KIAA1755: variants seen among roughly 807,000 people sequenced by gnomAD.
KIAA1755 encodes the protein uncharacterized protein KIAA1755.
In KIAA1755, 68 loss-of-function variants were observed where a neutral mutation model predicts 91.7. The observed-to-expected ratio is 0.74, with a 90% confidence interval of 0.61 to 0.91. KIAA1755 has a LOEUF of 0.91. Ranked by LOEUF, KIAA1755 falls within the 40% of genes least tolerant of loss-of-function variation. The pLI, the probability that KIAA1755 is intolerant of heterozygous loss-of-function variation, is 0.00. For synonymous variants in KIAA1755, 610 were observed against 604.6 expected, an observed-to-expected ratio of 1.01 and a Z score of -0.13; for missense variants, 1,535 against 1,494.4, an observed-to-expected ratio of 1.03 and a Z score of -0.45.
intron 1 of KIAA1755, among the ~76,000 whole-genome samples, chr20:38,246,614 AGT>A (rs1462726644): frequency 6.6e-6 from 1 of 152,152 alleles, no homozygotes; most frequent in Non-Finnish European, 1.5e-5. Context: ...CAGATGGGAG[AGT>A]GAGAATAAGT....
chr20:38,214,813 G>A (rs1179763202), intron 13 of KIAA1755, among the ~76,000 whole-genome samples: 2 of 152,204 alleles, frequency 1.3e-5, no homozygotes, highest in Non-Finnish European at 2.9e-5. Flanking sequence ...CCAGCCGCTC[G>A]TGAAAAACAT....
chr20:38,242,044 G>A, intron 2 of KIAA1755, 115 bp from the exon 3 acceptor site: 6 of 1,064,304 alleles, frequency 5.6e-6, no homozygotes, highest in Non-Finnish European at 8.1e-6. Flanking sequence ...CTAGGATGAG[G>A]CAGCATTTAG....
At chr20:38,228,073 G>C in intron 6 of KIAA1755, 74 bp downstream of exon 6, 1 of 1,121,628 alleles carries the variant, frequency 8.9e-7, no homozygotes, top group Non-Finnish European at 1.3e-6. Flanking sequence ...AGCACCCCCG[G>C]ACTCTATGAA....
Position 38,219,767 on chromosome 20 carries a change from T to G in KIAA1755, c.2419A>C (p.Ser807Arg). The change falls in exon 11 of 14, where the codon AGC becomes CGC. Residue 807 changes from serine (S) to arginine (R), a missense_variant and splice_region_variant. Physicochemically the swap from Ser to Arg is moderately radical, Grantham distance 110. Coordinates refer to ENST00000279024, the MANE Select transcript of KIAA1755 (RefSeq NM_001029864.2). ...AAGGCAGTGGCTGCAGCCAGATGGC[T>G]CCTGGGAGGTGGGCGGAGGTGAGAA... ...SRLDFSPDVRSHLAAATALYS... is the reference protein window; with the variant it reads ...SRLDFSPDVRRHLAAATALYS... 6.2e-7 allele frequency: 1 copy of G among 1,614,082 alleles called. No homozygotes were observed. Among genetic ancestry groups the G allele is most frequent in the Non-Finnish European group, 8.5e-7 (1 of 1,180,010 alleles).
intron 12 of KIAA1755, chr20:38,218,027 T>C: frequency 1.6e-6 from 1 of 615,332 alleles, no homozygotes; most frequent in Non-Finnish European, 2.8e-6. Context: ...AGAAACCCTC[T>C]GGGGGATTCA....
At chr20:38,238,525 T>G (rs73905577) in intron 4 of KIAA1755, among the ~76,000 whole-genome samples, 59 of 152,274 alleles carry the variant, frequency 3.9e-4, no homozygotes, top group African/African-American at 1.4e-3. Flanking sequence ...TTACGTTACT[T>G]CCTCCGGGAA....
chr20:38,218,931 C>T (rs1015604917), intron 11 of KIAA1755, among the ~76,000 whole-genome samples: 5 of 152,154 alleles, frequency 3.3e-5, no homozygotes, highest in African/African-American at 1.2e-4. Flanking sequence ...TATATAATGG[C>T]TCTCAACCCC....
intron 1 of KIAA1755, among the ~76,000 whole-genome samples, chr20:38,259,511 G>A (rs926003024): frequency 9.5e-6 from 1 of 105,800 alleles, no homozygotes; most frequent in Admixed American, 9.6e-5. Context: ...GAGTGCCTGC[G>A]TGTGTGTGTG....
intron 10 of KIAA1755, among the ~76,000 whole-genome samples, chr20:38,221,096 C>A (rs1310010739): frequency 2.0e-5 from 3 of 152,214 alleles, no homozygotes; most frequent in African/African-American, 7.2e-5. Flanking sequence ...CATCTGACTG[C>A]AGCTCCCCAC....
chr20:38,226,131 C>T (rs1479121372), intron 7 of KIAA1755, among the ~76,000 whole-genome samples: 4 of 152,132 alleles, frequency 2.6e-5, no homozygotes, highest in Non-Finnish European at 4.4e-5. Context: ...GGAAGCTGGC[C>T]CTTGTGATGA....
At chr20:38,217,853 C>T (rs2075579172) in intron 12 of KIAA1755, 1 of 423,166 alleles carries the variant, frequency 2.4e-6, no homozygotes, top group African/African-American at 2.0e-5. Flanking sequence ...CCCCGCTCCC[C>T]ACTGGCCTGA....
At chr20:38,238,039 G>C (rs529517196) in intron 4 of KIAA1755, among the ~76,000 whole-genome samples, 6 of 152,236 alleles carry the variant, frequency 3.9e-5, no homozygotes, top group Non-Finnish European at 8.8e-5. Flanking sequence ...GTGACAGTGA[G>C]CCAGGTCCTA....
chr20:38,260,333 G>A (rs1220855577), intron 1 of KIAA1755, 165 bp downstream of exon 1: 1 of 1,562,212 alleles, frequency 6.4e-7, no homozygotes, highest in Non-Finnish European at 8.7e-7. Flanking sequence ...TCCTGCCCTT[G>A]AACCCCTGCT....
intron 13 of KIAA1755, among the ~76,000 whole-genome samples, chr20:38,215,324 G>C (rs2123051210): frequency 6.6e-6 from 1 of 152,274 alleles, no homozygotes; most frequent in Admixed American, 6.5e-5. Flanking sequence ...CTCCACACAG[G>C]CCATCCCCAG....
rs1251090708 is a variant in KIAA1755, at chr20:38,213,289, CT to C, written c.3355del (p.Arg1119GlufsTer84). On this transcript the variant is annotated frameshift_variant, in exon 14 of 14. Coordinates refer to ENST00000279024, the MANE Select transcript of KIAA1755 (RefSeq NM_001029864.2). LOFTEE classifies it low-confidence loss of function (END_TRUNC). ...GGGTGGAGAGCCTGCCTGGAAAGTT[CT>C]GTTCTGTTCCCCTCTGGGGGGCCCA... ...PPGPPRGEQN[R>X]TFQAGSPPQE... 1 of 1,613,828 alleles carries C rather than the reference CT, an allele frequency of 6.2e-7. No individual in the cohort carries two copies. The highest frequency in any genetic ancestry group is 1.3e-5 in the African/African-American group (1 of 75,062).
At chr20:38,220,974 A>C (rs542486515) in intron 10 of KIAA1755, among the ~76,000 whole-genome samples, 1 of 152,328 alleles carries the variant, frequency 6.6e-6, no homozygotes, top group Admixed American at 6.5e-5. Flanking sequence ...TGAAGGGAGG[A>C]ATCTCCAACC....
chr20:38,228,015 G>A (rs1224146566), intron 6 of KIAA1755, 132 bp downstream of exon 6: 6 of 553,534 alleles, frequency 1.1e-5, no homozygotes, highest in South Asian at 3.4e-5. Flanking sequence ...TGAGTTTTCT[G>A]TTGGCTGCAG....
chr20:38,236,507 G>A (rs940036736), intron 4 of KIAA1755, among the ~76,000 whole-genome samples: 9 of 152,206 alleles, frequency 5.9e-5, no homozygotes, highest in Non-Finnish European at 1.3e-4. Context: ...TACAGGTTGT[G>A]GAGATGAGGA....
chr20:38,244,903 T>C (rs1297905349), intron 2 of KIAA1755, among the ~76,000 whole-genome samples: 1 of 152,162 alleles, frequency 6.6e-6, no homozygotes, highest in African/African-American at 2.4e-5. Context: ...AATTTTTGTA[T>C]TTTTAGTAGA....
Sources: allele counts gnomAD v4.1 joint callset (sites outside exome capture counted in the v4.1 genomes callset), GRCh38; gene constraint gnomAD v4.1.1; transcripts MANE v1.5; gene names NCBI Gene and HGNC (gene_info 2026-07-23, HGNC 2026-07-21).